FBXL18: variants seen among roughly 807,000 people sequenced by gnomAD.
FBXL18 encodes the protein F-box/LRR-repeat protein 18.
FBXL18 carries 36 observed loss-of-function variants against 46.0 expected under a neutral mutation model. That is an observed-to-expected ratio of 0.78 (90% CI 0.60 to 1.03). The LOEUF (loss-of-function observed/expected upper bound fraction) is 1.03, where lower values mean the gene tolerates loss of function less well. FBXL18 is among the 50% of genes least tolerant of loss of function. The probability of loss-of-function intolerance (pLI) is 0.00; values close to 1 mark genes in which losing one functional copy is unlikely to be tolerated. For missense variants in FBXL18, 977 were observed against 1,004.1 expected (o/e 0.97, Z 0.36); for synonymous variants, 557 against 465.3 (o/e 1.20, Z -2.54).
At position 5,477,765 on chromosome 7, in the gene FBXL18, G is replaced by T. The variant is rs891356550; in HGVS notation, c.*4010C>A. On this transcript the variant is annotated 3_prime_UTR_variant, in exon 5 of 5. Coordinates refer to ENST00000382368, the MANE Select transcript of FBXL18 (RefSeq NM_024963.6). The surrounding 1 kb of genome is among the most constrained non-coding windows in gnomAD (Gnocchi z 4.4). ...CTAAAAGGAGCAGATAACAGGGGAA[G>T]AGGAGGTGGGAGGCTGCCACAGCGC... 1 of 152,174 alleles carries T rather than the reference G, an allele frequency of 6.6e-6. No individual in the cohort carries two copies. The highest frequency in any genetic ancestry group is 1.9e-4 in the East Asian group (1 of 5,192). The allele number at this position is 152,174 out of a possible 1,614,324, so 9.4% of individuals were successfully genotyped here. A position where few individuals can be genotyped will look rare whatever the true frequency, so the allele number is the denominator to read the frequency against.
chr7:5,460,808 GC>G (rs950999138), intron 4 of FBXL18, among the ~76,000 whole-genome samples: 12 of 152,296 alleles, frequency 7.9e-5, no homozygotes, highest in African/African-American at 2.2e-4. Flanking sequence ...TCCATCCCAA[GC>G]CCGGCCTCGC....
rs78082612 is a variant in FBXL18, at chr7:5,503,528, C to CT, written c.238-1498dup. Among the ~76,000 whole-genome samples the CT allele has an allele frequency of 9.1e-3, 1,336 of 146,918 alleles. 17 individuals carry two copies. Among genetic ancestry groups the CT allele is most frequent in the Middle Eastern group, 0.021 (6 of 286 alleles). On this transcript the variant is annotated intron_variant, in intron 2 of 4. Coordinates refer to ENST00000382368, the MANE Select transcript of FBXL18 (RefSeq NM_024963.6). ...GCCACCATGCCATGCTCATTTTTCT[C>CT]TTTTTTTTTTTTGTACAGATGGAGT... is the stretch of plus-strand genomic sequence containing the variant.
chr7:5,464,919 C>T (rs1001104121), intron 4 of FBXL18, among the ~76,000 whole-genome samples: 5 of 151,350 alleles, frequency 3.3e-5, no homozygotes, highest in African/African-American at 7.3e-5. Context: ...AAAAATTAGC[C>T]GGTTGTGGTG....
Position 5,491,314 on chromosome 7 carries a change from G to C in FBXL18, c.1917C>G (p.Arg639=), listed in dbSNP as rs369471731. The change falls in exon 4 of 5, where the codon CGC becomes CGG. Residue 639 remains arginine, a synonymous_variant. Transcript: ENST00000382368. ...QPDAVLAFMA[R]CLQVVMCHLF... ...GGTGGCACATGACAACCTGCAGGCA[G>C]CGAGCCATGAAGGCCAGCACGGCAT... 6 of 1,612,200 alleles carry C rather than the reference G, an allele frequency of 3.7e-6. No individual in the cohort carries two copies. The East Asian group carries it at 1.1e-4, about 30-fold the overall frequency.
chr7:5,510,068 G>A (rs1309259345), intron 1 of FBXL18, among the ~76,000 whole-genome samples: 4 of 151,682 alleles, frequency 2.6e-5, no homozygotes, highest in African/African-American at 4.8e-5. Context: ...TTGGGAGGCT[G>A]AGGCAGGCAG....
chr7:5,501,994 A>G lies in FBXL18; in HGVS notation c.275T>C (p.Ile92Thr). The change falls in exon 3 of 5, where the codon ATC becomes ACC. Residue 92 changes from isoleucine (I) to threonine (T), a missense_variant. Coordinates refer to ENST00000382368, the MANE Select transcript of FBXL18 (RefSeq NM_024963.6). ...EDKVRQLVKE[I>T]GREIQQLSMA... is the part of the protein sequence containing the mutation. ...GCTCAGCTGCTGGATCTCCCGGCCG[A>G]TCTCCTTCACCAGCTGCCTCACTTT... is the stretch of plus-strand genomic sequence containing the variant. 1 of 1,606,174 alleles carries G rather than the reference A, an allele frequency of 6.2e-7. No homozygotes were observed. Among genetic ancestry groups the G allele is most frequent in the Non-Finnish European group, 8.5e-7 (1 of 1,176,898 alleles).
Position 5,480,381 on chromosome 7 carries a change from G to A in FBXL18, c.*1394C>T, listed in dbSNP as rs1444009265. On this transcript the variant is annotated 3_prime_UTR_variant, in exon 5 of 5. Coordinates refer to ENST00000382368, the MANE Select transcript of FBXL18 (RefSeq NM_024963.6). ...GCAGAAGCGGCCACCGTGGCACATG[G>A]GGTGAGGACTCAGATGCCAGGAGGA... 1.3e-5 allele frequency: 2 copies of A among 152,076 alleles called. No individual in the cohort carries two copies. Among genetic ancestry groups the A allele is most frequent in the Admixed American group, 6.6e-5 (1 of 15,258 alleles). 9.4% of individuals were successfully genotyped at this position (152,076 alleles called of 1,614,324 possible).
downstream of FBXL18, among the ~76,000 whole-genome samples, chr7:5,473,335 G>A (rs1328217695): frequency 2.6e-5 from 4 of 152,076 alleles, no homozygotes; most frequent in African/African-American, 7.2e-5. Context: ...ACCCTCTGCC[G>A]GCAGCCCTGT....
downstream of FBXL18, among the ~76,000 whole-genome samples, chr7:5,471,858 A>G (rs530379393): frequency 4.6e-4 from 70 of 152,270 alleles, no homozygotes; most frequent in Admixed American, 1.3e-3. Flanking sequence ...CACGCCTGTA[A>G]TCCCAGCATT....
At position 5,501,889 on chromosome 7, in the gene FBXL18, G is replaced by C. The variant is rs753018895; in HGVS notation, c.380C>G (p.Ser127Trp). 1.2e-6 allele frequency: 2 copies of C among 1,602,804 alleles called. No homozygotes were observed. The highest frequency in any genetic ancestry group is 1.7e-6 in the Non-Finnish European group (2 of 1,175,912). ...RCRSLVKVNL[S>W]GCHLTSLRLS... ...GCGCAGGGAAGTGAGGTGGCAGCCC[G>C]AGAGGTTCACCTTCACCAGGCTGCG... Residue 127 changes from serine to tryptophan, a missense_variant, in exon 3 of 5, where the codon TCG (serine) becomes TGG (tryptophan). By Grantham distance (177) the Ser-to-Trp change is radical. Coordinates refer to ENST00000382368, the MANE Select transcript of FBXL18 (RefSeq NM_024963.6).
intron 3 of FBXL18, among the ~76,000 whole-genome samples, chr7:5,499,505 A>C (rs1784172895): frequency 1.3e-5 from 2 of 152,140 alleles, no homozygotes; most frequent in Admixed American, 6.5e-5. Context: ...GAGGCAGGTG[A>C]ATCACCTGAG....
intron 4 of FBXL18, among the ~76,000 whole-genome samples, chr7:5,467,512 C>T (rs1276811417): frequency 6.6e-6 from 1 of 151,576 alleles, no homozygotes; most frequent in African/African-American, 2.4e-5. Context: ...CACCACCGCA[C>T]CCCAGCCTGG....
chr7:5,481,598 A>T lies in FBXL18; in HGVS notation c.*177T>A. The T allele has an allele frequency of 1.5e-6, 1 of 667,844 alleles. No individual in the cohort carries two copies. Among genetic ancestry groups the T allele is most frequent in the Non-Finnish European group, 2.6e-6 (1 of 387,816 alleles). 41.4% of individuals were successfully genotyped at this position (667,844 alleles called of 1,614,324 possible). ...CGCATCCCCTCGACCTAAACTTCACAGAGCAACAGTCCCCATGAGAGAGCC... is the reference window on the plus strand; with the variant it reads ...CGCATCCCCTCGACCTAAACTTCACTGAGCAACAGTCCCCATGAGAGAGCC... On this transcript the variant is annotated 3_prime_UTR_variant, in exon 5 of 5. Transcript: ENST00000382368.
intron 3 of FBXL18, among the ~76,000 whole-genome samples, chr7:5,495,135 G>C (rs930093022): frequency 6.6e-6 from 1 of 152,138 alleles, no homozygotes; most frequent in Non-Finnish European, 1.5e-5. Flanking sequence ...CCACTGCGCC[G>C]GGCCTCACCT....
chr7:5,469,420 T>G (rs535530525), intron 4 of FBXL18, among the ~76,000 whole-genome samples: 7 of 152,266 alleles, frequency 4.6e-5, no homozygotes, highest in South Asian at 2.1e-4. Context: ...AAAAAAAATT[T>G]TTTTAAAAGA....
At chr7:5,473,387 T>C (rs1394115456), downstream of FBXL18, among the ~76,000 whole-genome samples, 1 of 151,862 alleles carries the variant, frequency 6.6e-6, no homozygotes, top group Non-Finnish European at 1.5e-5. Flanking sequence ...TCCTGCCACA[T>C]TTGGGCCGAG....
Position 5,496,659 on chromosome 7 carries a change from A to C in FBXL18, c.1781+3829T>G, listed in dbSNP as rs565165888. Among the ~76,000 whole-genome samples, 40 of 152,272 alleles carry C rather than the reference A, an allele frequency of 2.6e-4. No individual in the cohort carries two copies. Among genetic ancestry groups the C allele is most frequent in the African/African-American group, 9.4e-4 (39 of 41,558 alleles). On this transcript the variant is annotated intron_variant, in intron 3 of 4. Transcript: ENST00000382368. The surrounding 1 kb of genome is among the most constrained non-coding windows in gnomAD (Gnocchi z 4.8). ...CCCTTTGGGCGGCCCAGGCAAGAGG[A>C]TCACTTGAGCCCAGGAGTTCAAGAC... is the stretch of plus-strand genomic sequence containing the variant.
chr7:5,493,281 G>A (rs900976062), intron 3 of FBXL18, among the ~76,000 whole-genome samples: 3 of 152,210 alleles, frequency 2.0e-5, no homozygotes, highest in African/African-American at 7.2e-5. Context: ...GCTGCAGTGA[G>A]CTAGGATCGT....
intron 1 of FBXL18, among the ~76,000 whole-genome samples, chr7:5,509,752 C>T (rs1335728106): frequency 6.7e-6 from 1 of 150,228 alleles, no homozygotes; most frequent in African/African-American, 2.5e-5. Context: ...ACCCCTGATG[C>T]AATTGTGGGG....
Sources: gnomAD v4.1 joint callset for allele counts (sites outside exome capture counted in the v4.1 genomes callset) on GRCh38, gnomAD v4.1.1 for gene constraint, Gnocchi (gnomAD v3.1) non-coding constraint, MANE v1.5 for transcripts, NCBI Gene and HGNC (gene_info 2026-07-23, HGNC 2026-07-21) for gene names.